Variants in ZNF536 observed in about 807,000 individuals in gnomAD.
ZNF536 encodes zinc finger protein 536.
Under a neutral mutation model 84.5 loss-of-function variants are expected in ZNF536, and 13 were observed. That is an observed-to-expected ratio of 0.15 (90% CI 0.10 to 0.24). The LOEUF is 0.24. ZNF536 is among the 10% of genes least tolerant of loss of function. The probability of loss-of-function intolerance (pLI) is 1.00; values close to 1 mark genes in which losing one functional copy is unlikely to be tolerated. For missense variants in ZNF536, 1,536 were observed against 1,747.5 expected, an observed-to-expected ratio of 0.88 and a Z score of 2.16; for synonymous variants, 811 against 742.5, an observed-to-expected ratio of 1.09 and a Z score of -1.50.
intron 1 of ZNF536, among the ~76,000 whole-genome samples, chr19:30,392,701 T>C (rs1423648765): frequency 2.0e-5 from 3 of 152,244 alleles, no homozygotes; most frequent in Non-Finnish European, 4.4e-5. Flanking sequence ...AGTGCTGTTT[T>C]ATTTCTAGAG....
intron 2 of ZNF536, among the ~76,000 whole-genome samples, chr19:30,330,465 A>G (rs2047174373): frequency 6.6e-6 from 1 of 152,166 alleles, no homozygotes; most frequent in South Asian, 2.1e-4. Flanking sequence ...AGGGACTGAG[A>G]GGACACTCGA....
At chr19:30,545,589 G>T (rs1275212561) in intron 3 of ZNF536, among the ~76,000 whole-genome samples, 1 of 151,758 alleles carries the variant, frequency 6.6e-6, no homozygotes, top group East Asian at 1.9e-4. Context: ...AGTAGAGACG[G>T]GGTTTCATCA....
intron 2 of ZNF536, among the ~76,000 whole-genome samples, chr19:30,485,313 ACATAT>A (rs144188769): frequency 1.3e-5 from 2 of 152,252 alleles, no homozygotes; most frequent in East Asian, 3.9e-4. Flanking sequence ...GATATAATTC[ACATAT>A]CATACAGTTA....
At chr19:30,309,035 A>C (rs963913307) in intron 2 of ZNF536, among the ~76,000 whole-genome samples, 2 of 152,184 alleles carry the variant, frequency 1.3e-5, no homozygotes, top group African/African-American at 4.8e-5. Flanking sequence ...CAACAGCAAG[A>C]CTTTCCCACC....
chr19:30,549,570 T>C (rs954994914), intron 4 of ZNF536, 56 bp downstream of exon 4: 38 of 1,428,104 alleles, frequency 2.7e-5, no homozygotes, highest in Non-Finnish European at 3.5e-5. Context: ...AGTGCTGAAT[T>C]GTGCATTTAA....
intron 2 of ZNF536, among the ~76,000 whole-genome samples, chr19:30,330,062 A>G (rs1321478494): frequency 1.3e-5 from 2 of 152,202 alleles, no homozygotes; most frequent in East Asian, 1.9e-4. Flanking sequence ...GGCATTCAAT[A>G]AATACTACTT....
At chr19:30,257,565 A>G (rs2033188466) in intron 1 of ZNF536, among the ~76,000 whole-genome samples, 1 of 152,244 alleles carries the variant, frequency 6.6e-6, no homozygotes, top group African/African-American at 2.4e-5. Context: ...AATCAGAAAT[A>G]ATAGTGAACT....
At chr19:30,654,378 TCCTCACCACCCCCCTTATTCACC>T (rs1238626187) in intron 1 of ZNF536, among the ~76,000 whole-genome samples, 3 of 151,970 alleles carry the variant, frequency 2.0e-5, no homozygotes, top group East Asian at 1.9e-4. Flanking sequence ...CCCTCTTCAC[TCCTCACCACCCCCCTTATTCACC>T]CCTCACCACC....
chr19:30,495,930 A>C (rs894212519), intron 2 of ZNF536, among the ~76,000 whole-genome samples: 41 of 152,342 alleles, frequency 2.7e-4, no homozygotes, highest in Non-Finnish European at 2.4e-4. Flanking sequence ...TTGTCAGGGT[A>C]GTCAAAAGCA....
downstream of ZNF536, among the ~76,000 whole-genome samples, chr19:30,558,634 T>C (rs1243383138): frequency 6.6e-6 from 1 of 152,212 alleles, no homozygotes; most frequent in East Asian, 1.9e-4. Flanking sequence ...GTTGTTCCAC[T>C]TTGCCTCCTG....
chr19:30,689,068 A>G (rs867514110), intron 1 of ZNF536, among the ~76,000 whole-genome samples: 1 of 152,232 alleles, frequency 6.6e-6, no homozygotes, highest in Non-Finnish European at 1.5e-5. Flanking sequence ...CTGGCCATCC[A>G]TTCGGAGAGA....
chr19:30,499,529 T>A (rs926424659), intron 2 of ZNF536, among the ~76,000 whole-genome samples: 4 of 152,260 alleles, frequency 2.6e-5, no homozygotes, highest in African/African-American at 9.6e-5. Context: ...TATAGCTATC[T>A]ATATTTATAT....
chr19:30,640,781 A>G (rs2049240557), intron 1 of ZNF536, among the ~76,000 whole-genome samples: 1 of 152,228 alleles, frequency 6.6e-6, no homozygotes, highest in Non-Finnish European at 1.5e-5. Context: ...TTCAAAGGAC[A>G]TTCATTTCTT....
At chr19:30,564,914 G>A (rs1365243243) in intron 1 of ZNF536, among the ~76,000 whole-genome samples, 1 of 152,142 alleles carries the variant, frequency 6.6e-6, no homozygotes, top group Non-Finnish European at 1.5e-5. Context: ...CCACAGAGCT[G>A]GGCTGGCACC....
At chr19:30,450,295 G>C (rs982826149) in intron 2 of ZNF536, among the ~76,000 whole-genome samples, 2 of 152,150 alleles carry the variant, frequency 1.3e-5, no homozygotes, top group Admixed American at 6.5e-5. Flanking sequence ...ACCGGAGCTC[G>C]GGGAGGCTGC....
At position 30,384,579 on chromosome 19, in the gene ZNF536, C is replaced by T. The variant is rs191331010; in HGVS notation, c.-3+12023C>T. ...TTGGTTGCATGGGACCTTCAGGCAT[C>T]GATGTGGGTCTGGACACAGGATTCT... On this transcript the variant is annotated intron_variant, in intron 1 of 4. Coordinates refer to ENST00000355537, the MANE Select transcript of ZNF536 (RefSeq NM_014717.3). 1.6e-4 allele frequency among the ~76,000 whole-genome samples: 24 copies of T among 151,640 alleles called. No homozygotes were observed. The East Asian group carries it at 2.8e-3, about 17-fold the overall frequency.
rs192361708 is a variant in ZNF536 at position 30,656,893 on chromosome 19, T to C, written c.170-53864T>C. Among the ~76,000 whole-genome samples, 415 of 152,290 alleles carry C rather than the reference T, an allele frequency of 2.7e-3. 2 individuals are homozygous for C. Among genetic ancestry groups the C allele is most frequent in the Non-Finnish European group, 3.6e-3 (244 of 68,004 alleles). Reference sequence around the variant, plus strand: ...TGCGAGGGCTGGGAGCATGGCCTGATTGGAAATTGAGAACCTGCTTTGAAG... The same window carrying C: ...TGCGAGGGCTGGGAGCATGGCCTGACTGGAAATTGAGAACCTGCTTTGAAG... On this transcript the variant is annotated intron_variant, in intron 1 of 1. Coordinates refer to the ZNF536 transcript ENST00000592773.
At chr19:30,323,378 T>G (rs991963832) in intron 2 of ZNF536, among the ~76,000 whole-genome samples, 5 of 152,210 alleles carry the variant, frequency 3.3e-5, no homozygotes, top group African/African-American at 1.2e-4. Context: ...TACCTCCCGT[T>G]TGCTCCTGGG....
At chr19:30,225,619 C>G (rs1486963723), upstream of ZNF536, among the ~76,000 whole-genome samples, 2 of 151,584 alleles carry the variant, frequency 1.3e-5, no homozygotes, top group Non-Finnish European at 2.9e-5. Context: ...TTTTACAACG[C>G]TCCGTTTACG....
Sources: gnomAD v4.1 joint callset for allele counts (sites outside exome capture counted in the v4.1 genomes callset) on GRCh38, gnomAD v4.1.1 for gene constraint, MANE v1.5 for transcripts, NCBI Gene and HGNC (gene_info 2026-07-23, HGNC 2026-07-21) for gene names.